The following STK39 variants were observed in gnomAD, a reference collection of about 807,000 sequenced individuals.
STK39 encodes STE20/SPS1-related proline-alanine-rich protein kinase.
Under a neutral mutation model 77.8 loss-of-function variants are expected in STK39, and 20 were observed. The observed-to-expected ratio is 0.26, with a 90% confidence interval of 0.18 to 0.37. The LOEUF (loss-of-function observed/expected upper bound fraction) is 0.37. Ranked by LOEUF, STK39 falls within the 10% of genes least tolerant of loss-of-function variation. The probability of loss-of-function intolerance (pLI) is 1.00; values close to 1 mark genes in which losing one functional copy is unlikely to be tolerated. For missense variants in STK39, 479 were observed against 656.5 expected (o/e 0.73, Z 2.95); for synonymous variants, 246 against 234.1 (o/e 1.05, Z -0.47).
intron 1 of STK39, among the ~76,000 whole-genome samples, chr2:168,235,343 G>A (rs564650438): frequency 5.9e-5 from 9 of 151,918 alleles, no homozygotes; most frequent in South Asian, 2.1e-4. Flanking sequence ...CGGCCGGCCC[G>A]AGTCAATAAT....
intron 1 of STK39, among the ~76,000 whole-genome samples, chr2:168,208,130 G>T (rs189599897): frequency 3.9e-5 from 6 of 152,122 alleles, no homozygotes; most frequent in Admixed American, 3.9e-4. Flanking sequence ...GAGAAAAAAC[G>T]TAATAGAAAG....
At chr2:168,187,136 A>C (rs1425035789) in intron 1 of STK39, among the ~76,000 whole-genome samples, 1 of 152,158 alleles carries the variant, frequency 6.6e-6, no homozygotes, top group Non-Finnish European at 1.5e-5. Context: ...GTGGATCACA[A>C]GGTCAGGAAT....
At chr2:168,052,815 C>T (rs1685431196) in intron 14 of STK39, among the ~76,000 whole-genome samples, 1 of 152,204 alleles carries the variant, frequency 6.6e-6, no homozygotes, top group African/African-American at 2.4e-5. Context: ...AAAAGAACAG[C>T]TTCAAAATGG....
intron 15 of STK39, among the ~76,000 whole-genome samples, chr2:168,013,345 A>T (rs1684318800): frequency 6.6e-6 from 1 of 152,258 alleles, no homozygotes; most frequent in South Asian, 2.1e-4. Context: ...GGGACTAAAG[A>T]GGCTGCGGCA....
At chr2:168,188,820 G>C (rs936248096) in intron 1 of STK39, among the ~76,000 whole-genome samples, 21 of 152,194 alleles carry the variant, frequency 1.4e-4, no homozygotes, top group African/African-American at 4.1e-4. Context: ...AACAGTAACG[G>C]TGAGACACAC....
intron 1 of STK39, among the ~76,000 whole-genome samples, chr2:168,213,762 T>TG (rs1246258240): frequency 1.3e-5 from 2 of 151,642 alleles, no homozygotes; most frequent in African/African-American, 4.8e-5. Context: ...CAGTTAACCT[T>TG]GGGGGGAATG....
intron 2 of STK39, among the ~76,000 whole-genome samples, chr2:168,180,774 G>A (rs759905211): frequency 4.6e-5 from 7 of 152,166 alleles, no homozygotes; most frequent in African/African-American, 1.4e-4. Flanking sequence ...TTTCAAGGCC[G>A]TTAAAAGCCT....
At position 168,012,610 on chromosome 2, in the gene STK39, A is replaced by G. The variant is rs200120886; in HGVS notation, c.1498+24T>C. The G allele has an allele frequency of 2.2e-5, 36 of 1,603,204 alleles. No individual in the cohort carries two copies. The Admixed American group carries it at 4.4e-4, about 20-fold the overall frequency. On this transcript the variant is annotated intron_variant, in intron 16 of 17. Transcript: ENST00000355999. ...CCATTTTATATACCAACAAAATGAC[A>G]GTGCATACTAAAAAACAATTTACCT...
At chr2:167,984,363 A>G (rs568161559) in intron 16 of STK39, among the ~76,000 whole-genome samples, 2 of 152,320 alleles carry the variant, frequency 1.3e-5, no homozygotes, top group South Asian at 4.1e-4. Flanking sequence ...GAGGGAGGTG[A>G]CACTCAATTT....
intron 1 of STK39, among the ~76,000 whole-genome samples, chr2:168,241,440 C>A (rs1690755129): frequency 6.6e-6 from 1 of 152,202 alleles, no homozygotes. Context: ...CCGCAGGATG[C>A]TCTCATCACT....
chr2:168,068,370 C>T (rs1023311055), intron 12 of STK39, among the ~76,000 whole-genome samples: 2 of 152,216 alleles, frequency 1.3e-5, no homozygotes, highest in Non-Finnish European at 1.5e-5. Context: ...GCCTAATGAA[C>T]TCCTTTCCTG....
intron 16 of STK39, among the ~76,000 whole-genome samples, chr2:168,002,619 C>T (rs1684029374): frequency 6.6e-6 from 1 of 152,174 alleles, no homozygotes; most frequent in African/African-American, 2.4e-5. Flanking sequence ...CGCTTAATTC[C>T]TCTGAGTTTG....
intron 1 of STK39, among the ~76,000 whole-genome samples, chr2:168,216,405 A>G (rs1044257558): frequency 1.3e-5 from 2 of 152,238 alleles, no homozygotes; most frequent in African/African-American, 4.8e-5. Context: ...GCTAAATAAG[A>G]AACACAAGTA....
intron 16 of STK39, among the ~76,000 whole-genome samples, chr2:167,998,298 C>T (rs114631504): frequency 0.016 from 2,434 of 152,328 alleles, 75 homozygotes; most frequent in African/African-American, 0.053. Flanking sequence ...CACTTAAATG[C>T]TCACTTTAAT....
chr2:168,075,205 A>G lies in STK39; in HGVS notation c.1116T>C (p.Gly372=). The G allele has an allele frequency of 1.2e-6, 2 of 1,614,032 alleles. No individual in the cohort carries two copies. Among genetic ancestry groups the G allele is most frequent in the Non-Finnish European group, 1.7e-6 (2 of 1,180,022 alleles). Residue 372 remains glycine, a synonymous_variant, in exon 11 of 18, where the codon GGT becomes GGC. Transcript: ENST00000355999. ...KKVRRVPGSS[G]HLHKTEDGDW... ...CCCCGTCTTCGGTTTTATGAAGGTG[A>G]CCACTTGACCCAGGAACTCTTCTTA...
intron 14 of STK39, among the ~76,000 whole-genome samples, chr2:168,042,604 G>A: frequency 6.9e-6 from 1 of 144,138 alleles, no homozygotes; most frequent in East Asian, 2.1e-4. Flanking sequence ...TTCTTGAGAT[G>A]GAGTCTCGCT....
rs950107172 is a variant in STK39, at chr2:168,171,781, C to A, written c.322-4374G>T. ...GAAATTACAGCTGTGAGCCACTGTA[C>A]CCTGCCATAACTAAATATAATAAGA... On this transcript the variant is annotated intron_variant, in intron 2 of 17. Coordinates refer to ENST00000355999, the MANE Select transcript of STK39 (RefSeq NM_013233.3). Among the ~76,000 whole-genome samples the A allele has an allele frequency of 2.0e-4, 30 of 152,222 alleles. No individual in the cohort carries two copies. In the Middle Eastern group the frequency reaches 0.01, roughly 52 times the overall value.
chr2:168,081,663 A>T (rs1277046733), intron 10 of STK39, among the ~76,000 whole-genome samples: 2 of 152,142 alleles, frequency 1.3e-5, no homozygotes, highest in African/African-American at 2.4e-5. Flanking sequence ...CCAGGGGCAG[A>T]ATGATATGGT....
intron 12 of STK39, among the ~76,000 whole-genome samples, chr2:168,071,247 T>C (rs1309700180): frequency 6.6e-6 from 1 of 152,194 alleles, no homozygotes; most frequent in African/African-American, 2.4e-5. Flanking sequence ...ATATGCCTAC[T>C]CATGCACTTG....
Sources: allele counts gnomAD v4.1 joint callset (sites outside exome capture counted in the v4.1 genomes callset), GRCh38; gene constraint gnomAD v4.1.1; transcripts MANE v1.5; gene names NCBI Gene and HGNC (gene_info 2026-07-23, HGNC 2026-07-21).